TXLNB: variants seen among roughly 807,000 people sequenced by gnomAD.
The protein encoded by TXLNB is taxilin beta.
TXLNB carries 37 observed loss-of-function variants against 57.4 expected under a neutral mutation model. The ratio of observed to expected loss-of-function variants is 0.64; its 90% CI spans 0.50 to 0.85. TXLNB has a LOEUF of 0.85. Among genes scored for constraint, TXLNB ranks in the 40% least tolerant of loss-of-function variants. The pLI is 0.00. For missense variants in TXLNB, 848 were observed against 825.6 expected, an observed-to-expected ratio of 1.03 and a Z score of -0.33; for synonymous variants, 302 against 309.6, an observed-to-expected ratio of 0.98 and a Z score of 0.26.
the TXLNB span, chr6:139,234,421 C>G: frequency 3.3e-5 from 5 of 152,318 alleles, no homozygotes; most frequent in African/African-American, 9.7e-5. Context: ...AGACCCAGGG[C>G]CCCACTGCTC....
At chr6:139,191,600 C>G in the TXLNB span, among the ~76,000 whole-genome samples, 1 of 152,148 alleles carries the variant, frequency 6.6e-6, no homozygotes, top group Admixed American at 6.5e-5. Flanking sequence ...AAAATCTTTC[C>G]TGTCCTCTGT....
the TXLNB span, among the ~76,000 whole-genome samples, chr6:139,163,718 CA>C: frequency 6.6e-6 from 1 of 152,126 alleles, no homozygotes; most frequent in Non-Finnish European, 1.5e-5. Flanking sequence ...CATTTCTTAC[CA>C]ATCTCTGCAG....
At chr6:139,313,848 A>C in the TXLNB span, among the ~76,000 whole-genome samples, 1 of 152,178 alleles carries the variant, frequency 6.6e-6, no homozygotes, top group Non-Finnish European at 1.5e-5. Context: ...AGCCAAGGGC[A>C]TTCCAAAGAA....
the TXLNB span, among the ~76,000 whole-genome samples, chr6:139,211,934 G>T: frequency 1.3e-5 from 2 of 152,096 alleles, no homozygotes; most frequent in Non-Finnish European, 1.5e-5. Context: ...AGAGAAAAAA[G>T]AATAAAAAGA....
At chr6:139,247,262 C>T (rs1017605475) in intron 8 of TXLNB, among the ~76,000 whole-genome samples, 2 of 152,070 alleles carry the variant, frequency 1.3e-5, no homozygotes, top group African/African-American at 4.8e-5. Context: ...CTGCCTCACC[C>T]TCCTGAGTAG....
downstream of TXLNB, chr6:139,237,518 AAAAAAAAAG>A (rs1396149931): frequency 6.7e-6 from 1 of 149,532 alleles, no homozygotes; most frequent in African/African-American, 2.4e-5. Flanking sequence ...AAAAAAAAAA[AAAAAAAAAG>A]AAAAGAAAAA....
intron 6 of TXLNB, 25 bp downstream of exon 6, chr6:139,260,293 G>A: frequency 1.9e-6 from 3 of 1,613,046 alleles, no homozygotes; most frequent in Non-Finnish European, 2.5e-6. Context: ...GACCAGATAT[G>A]CACAACGACT....
the TXLNB span, among the ~76,000 whole-genome samples, chr6:139,321,501 A>G: frequency 6.7e-6 from 1 of 149,078 alleles, no homozygotes; most frequent in South Asian, 2.1e-4. Flanking sequence ...AGTCTATGGT[A>G]CTTTGTTATA....
chr6:139,159,710 G>A, the TXLNB span, among the ~76,000 whole-genome samples: 4,209 of 152,234 alleles, frequency 0.028, 75 homozygotes, highest in East Asian at 0.054. Flanking sequence ...TCCTTCATCA[G>A]AAGATTTATT....
chr6:139,175,696 A>T, the TXLNB span, among the ~76,000 whole-genome samples: 1 of 152,208 alleles, frequency 6.6e-6, no homozygotes, highest in Non-Finnish European at 1.5e-5. Flanking sequence ...CCAGGTCTAC[A>T]TACATTGTGT....
the TXLNB span, chr6:139,167,115 T>C: frequency 1.9e-6 from 3 of 1,614,188 alleles, no homozygotes; most frequent in South Asian, 3.3e-5. Flanking sequence ...CACGTGCGCA[T>C]GGAAGACGAT....
chr6:139,220,218 C>T, the TXLNB span, among the ~76,000 whole-genome samples: 1 of 152,348 alleles, frequency 6.6e-6, no homozygotes. Flanking sequence ...AGATCTCCCA[C>T]ACACTGAATC....
At chr6:139,283,576 C>CA (rs34392544) in intron 2 of TXLNB, among the ~76,000 whole-genome samples, 8,286 of 66,156 alleles carry the variant, frequency 0.13, 876 homozygotes, top group African/African-American at 0.21. Context: ...AACTCCGTCT[C>CA]AAAAAAAAAA....
chr6:139,289,541 A>G (rs984935696), intron 1 of TXLNB, among the ~76,000 whole-genome samples: 1 of 151,748 alleles, frequency 6.6e-6, no homozygotes, highest in Non-Finnish European at 1.5e-5. Context: ...CAATTATTAA[A>G]GTAGGGACAG....
At chr6:139,323,545 A>G in the TXLNB span, among the ~76,000 whole-genome samples, 1 of 152,114 alleles carries the variant, frequency 6.6e-6, no homozygotes, top group Non-Finnish European at 1.5e-5. Context: ...GGCCTCCCAG[A>G]GTGCTGGGAT....
the TXLNB span, among the ~76,000 whole-genome samples, chr6:139,176,280 A>G: frequency 6.6e-6 from 1 of 152,082 alleles, no homozygotes; most frequent in Non-Finnish European, 1.5e-5. The surrounding 1 kb of genome is among the most constrained non-coding windows in gnomAD (Gnocchi z 4.5). Context: ...AATACTACCT[A>G]CCTCCCAGGA....
At chr6:139,168,370 A>T in the TXLNB span, among the ~76,000 whole-genome samples, 1 of 151,346 alleles carries the variant, frequency 6.6e-6, no homozygotes, top group Non-Finnish European at 1.5e-5. Context: ...AGTACCATAT[A>T]GTCTAGGACT....
chr6:139,214,533 A>G, the TXLNB span, among the ~76,000 whole-genome samples: 1 of 152,260 alleles, frequency 6.6e-6, no homozygotes, highest in South Asian at 2.1e-4. Flanking sequence ...TACTGAATGG[A>G]CAAAAACTGG....
At chr6:139,185,529 G>A in the TXLNB span, among the ~76,000 whole-genome samples, 15 of 152,180 alleles carry the variant, frequency 9.9e-5, no homozygotes, top group Middle Eastern at 3.4e-3. Flanking sequence ...GTGAAACCCC[G>A]TCTCTACTAA....
Sources: gnomAD v4.1 joint callset for allele counts (sites outside exome capture counted in the v4.1 genomes callset) on GRCh38, gnomAD v4.1.1 for gene constraint, Gnocchi (gnomAD v3.1) non-coding constraint, MANE v1.5 for transcripts, NCBI Gene and HGNC (gene_info 2026-07-23, HGNC 2026-07-21) for gene names.